The following ANKRD12 variants were observed in gnomAD, a reference collection of about 807,000 sequenced individuals.
ANKRD12 encodes ankyrin repeat domain-containing protein 12.
Under a neutral mutation model 183.4 loss-of-function variants are expected in ANKRD12, and 85 were observed. The ratio of observed to expected loss-of-function variants is 0.46; its 90% CI spans 0.39 to 0.56. ANKRD12 has a LOEUF of 0.56. Ranked by LOEUF, ANKRD12 falls within the 20% of genes least tolerant of loss-of-function variation. The pLI, the probability that ANKRD12 is intolerant of heterozygous loss-of-function variation, is 0.00. For synonymous variants in ANKRD12, 914 were observed against 800.2 expected (o/e 1.14, Z -2.40); for missense variants, 2,405 against 2,357.1 (o/e 1.02, Z -0.42).
At chr18:9,238,876 C>G (rs62085928) in intron 8 of ANKRD12, among the ~76,000 whole-genome samples, 21,565 of 152,206 alleles carry the variant, frequency 0.14, 2,234 homozygotes, top group Non-Finnish European at 0.21. Flanking sequence ...AATCCCAGCA[C>G]TTTGGGAGGC....
intron 1 of ANKRD12, among the ~76,000 whole-genome samples, chr18:9,150,292 A>G (rs1204266396): frequency 1.3e-5 from 2 of 152,150 alleles, no homozygotes; most frequent in African/African-American, 4.8e-5. Flanking sequence ...CGTTTCGTCT[A>G]CCACTGTCTG....
Position 9,255,749 on chromosome 18 carries a change from A to G in ANKRD12, c.2482A>G (p.Ile828Val). Residue 828 changes from isoleucine (I) to valine (V), a missense_variant, in exon 9 of 13, where the codon ATT becomes GTT. Ile to Val is a conservative substitution (Grantham distance 29). Coordinates refer to ENST00000262126, the MANE Select transcript of ANKRD12 (RefSeq NM_015208.5). ...AGAAAAACCTGAGAAGCGATCTCAAATTAAAGAAAAGGACATTGAGAAGAT... is the reference window on the plus strand; with the variant it reads ...AGAAAAACCTGAGAAGCGATCTCAAGTTAAAGAAAAGGACATTGAGAAGAT... Reference protein sequence around the residue: ...SKEKPEKRSQIKEKDIEKMER... With the variant: ...SKEKPEKRSQVKEKDIEKMER... 1 of 1,586,116 alleles carries G rather than the reference A, an allele frequency of 6.3e-7. No individual in the cohort carries two copies. The highest frequency in any genetic ancestry group is 8.5e-7 in the Non-Finnish European group (1 of 1,172,886).
In ANKRD12 at chr18:9,256,928, A is replaced by G. The variant is rs1428837877; in HGVS notation, c.3661A>G (p.Thr1221Ala). The G allele has an allele frequency of 1.2e-6, 2 of 1,613,948 alleles. No individual in the cohort carries two copies. Among genetic ancestry groups the G allele is most frequent in the African/African-American group, 1.3e-5 (1 of 74,938 alleles). ...SSEDSCHTTV[T>A]TPRPPVEYDS... ...AGAAGATTCCTGCCATACTACAGTG[A>G]CAACCCCAAGGCCTCCAGTTGAGTA... The change falls in exon 9 of 13, where the codon ACA becomes GCA. Residue 1221 changes from threonine (T) to alanine (A), a missense_variant. Thr to Ala is a moderately conservative substitution (Grantham distance 58). Around this residue, in one of 7 missense-constraint regions of ANKRD12, gnomAD observed 1,983 missense variants for 1,725.9 expected, o/e 1.15. Coordinates refer to ENST00000262126, the MANE Select transcript of ANKRD12 (RefSeq NM_015208.5).
At chr18:9,225,687 A>G (rs184282373) in intron 8 of ANKRD12, among the ~76,000 whole-genome samples, 101 of 152,288 alleles carry the variant, frequency 6.6e-4, no homozygotes, top group South Asian at 2.1e-3. Flanking sequence ...TAGATCCTCA[A>G]TACTTTCGAA....
In ANKRD12 at chr18:9,282,693, A is replaced by G. The variant is rs1039689330; in HGVS notation, c.*1567A>G. ...GTTCCGATAGAGAAAAGTGAAGCAA[A>G]TATGTGAGGAATGAAGTGATCTAGT... On this transcript the variant is annotated 3_prime_UTR_variant, in exon 13 of 13. Transcript: ENST00000262126. 7 of 152,620 alleles carry G rather than the reference A, an allele frequency of 4.6e-5. No homozygotes were observed. The East Asian group carries it at 1.2e-3, about 25-fold the overall frequency. The allele number at this position is 152,620 out of a possible 1,614,324, so 9.5% of individuals were successfully genotyped here. A position where few individuals can be genotyped will look rare whatever the true frequency, so the allele number is the denominator to read the frequency against.
chr18:9,182,712 A>G (rs962929962), intron 2 of ANKRD12, among the ~76,000 whole-genome samples, 193 bp downstream of exon 2: 9 of 152,222 alleles, frequency 5.9e-5, no homozygotes, highest in Admixed American at 2.6e-4. Flanking sequence ...TGAACACACA[A>G]CTACTAAGTA....
rs769447239 is a variant in ANKRD12, at chr18:9,222,039, A to G, written c.943+40A>G. ...ATCTACATTCATCTGTTCGTTTGAC[A>G]TGATATTTGATAGAACATTCTGGAT... On this transcript the variant is annotated intron_variant, in intron 8 of 12. Coordinates refer to ENST00000262126, the MANE Select transcript of ANKRD12 (RefSeq NM_015208.5). The G allele has an allele frequency of 1.2e-5, 20 of 1,601,452 alleles. No individual in the cohort carries two copies. The East Asian group carries it at 4.2e-4, about 34-fold the overall frequency.
intron 7 of ANKRD12, among the ~76,000 whole-genome samples, chr18:9,218,518 A>G (rs1198145878): frequency 6.6e-6 from 1 of 152,166 alleles, no homozygotes; most frequent in African/African-American, 2.4e-5. Context: ...CCATCCATAA[A>G]GCATTTTTTT....
At chr18:9,204,386 T>C in intron 3 of ANKRD12, 90 bp from the exon 4 acceptor site, 3 of 863,060 alleles carry the variant, frequency 3.5e-6, no homozygotes, top group East Asian at 2.6e-5. Flanking sequence ...GCTTATTAAC[T>C]GGTGGTCTTT....
chr18:9,192,165 C>T (rs1375140232), intron 2 of ANKRD12, among the ~76,000 whole-genome samples: 1 of 152,128 alleles, frequency 6.6e-6, no homozygotes, highest in Admixed American at 6.5e-5. Context: ...ATAAAACCTA[C>T]ATTTTAAGTA....
chr18:9,236,588 T>C (rs1339697678), intron 8 of ANKRD12, among the ~76,000 whole-genome samples: 3 of 148,934 alleles, frequency 2.0e-5, no homozygotes, highest in Non-Finnish European at 4.4e-5. Context: ...AGAGCAAAAA[T>C]TCAAAGAGAA....
At chr18:9,271,324 G>A (rs941910288) in intron 10 of ANKRD12, among the ~76,000 whole-genome samples, 2 of 152,170 alleles carry the variant, frequency 1.3e-5, no homozygotes, top group Non-Finnish European at 1.5e-5. Context: ...AGGAGATCGA[G>A]ACCATCCTGG....
Position 9,256,282 on chromosome 18 carries a change from A to G in ANKRD12, c.3015A>G (p.Lys1005=). Residue 1005 remains lysine, a synonymous_variant, in exon 9 of 13, where the codon AAA becomes AAG. Transcript: ENST00000262126. ...EKPLSLKEKT[K]DEPLKTPDGK... ...CCTTATCCCTTAAAGAAAAAACAAA[A>G]GATGAACCTTTGAAAACTCCAGATG... The G allele has an allele frequency of 6.2e-7, 1 of 1,606,428 alleles. No homozygotes were observed. The highest frequency in any genetic ancestry group is 1.3e-5 in the African/African-American group (1 of 74,350).
At chr18:9,161,357 T>G (rs963471132) in intron 1 of ANKRD12, among the ~76,000 whole-genome samples, 1 of 150,036 alleles carries the variant, frequency 6.7e-6, no homozygotes, top group African/African-American at 2.5e-5. Flanking sequence ...ATTTCTGTTT[T>G]TATTTTATTT....
chr18:9,252,235 T>C (rs1277132142), intron 8 of ANKRD12, among the ~76,000 whole-genome samples: 2 of 152,146 alleles, frequency 1.3e-5, no homozygotes, highest in South Asian at 2.1e-4. Context: ...AATTTAAAAA[T>C]TGGGGACTGC....
At chr18:9,198,782 G>T (rs944657873) in intron 3 of ANKRD12, among the ~76,000 whole-genome samples, 1 of 152,058 alleles carries the variant, frequency 6.6e-6, no homozygotes, top group Admixed American at 6.6e-5. Context: ...CCGACCTCAA[G>T]TGATCTGCCA....
At chr18:9,223,645 GAAAA>G (rs887493967) in intron 8 of ANKRD12, among the ~76,000 whole-genome samples, 1 of 151,518 alleles carries the variant, frequency 6.6e-6, no homozygotes, top group African/African-American at 2.4e-5. Context: ...TTGTTGTGGG[GAAAA>G]AAAATAAGAA....
intron 5 of ANKRD12, among the ~76,000 whole-genome samples, chr18:9,210,922 T>C (rs2035768958): frequency 6.6e-6 from 1 of 152,034 alleles, no homozygotes; most frequent in Non-Finnish European, 1.5e-5. Context: ...ATATATGTCT[T>C]GAATCCTTAA....
intron 1 of ANKRD12, among the ~76,000 whole-genome samples, chr18:9,144,462 T>G (rs1204001575): frequency 6.6e-6 from 1 of 152,202 alleles, no homozygotes; most frequent in Non-Finnish European, 1.5e-5. Context: ...ACTCCTAGTC[T>G]AAGAATTTCC....
Sources: allele counts gnomAD v4.1 joint callset (sites outside exome capture counted in the v4.1 genomes callset), GRCh38; gene constraint gnomAD v4.1.1; regional missense constraint gnomAD v4.1.1; transcripts MANE v1.5; gene names NCBI Gene and HGNC (gene_info 2026-07-23, HGNC 2026-07-21).